SYN2: variants seen among roughly 807,000 people sequenced by gnomAD.
SYN2 encodes synapsin-2.
A neutral mutation model predicts 50.9 loss-of-function variants in SYN2; 19 were observed. That is an observed-to-expected ratio of 0.37 (90% confidence interval 0.26 to 0.55). SYN2 has a LOEUF of 0.55. Among genes scored for constraint, SYN2 ranks in the 20% least tolerant of loss-of-function variants. SYN2 has a pLI of 0.81. For synonymous variants in SYN2, 255 were observed against 224.9 expected, an observed-to-expected ratio of 1.13 and a Z score of -1.20; for missense variants, 587 against 576.4, an observed-to-expected ratio of 1.02 and a Z score of -0.19.
At chr3:12,146,544 G>T (rs1392814159) in intron 4 of SYN2, among the ~76,000 whole-genome samples, 2 of 152,106 alleles carry the variant, frequency 1.3e-5, no homozygotes, top group African/African-American at 4.8e-5. Context: ...TATCATTATT[G>T]TCACTTTTTA....
chr3:12,084,051 T>A (rs1427111248), intron 1 of SYN2, among the ~76,000 whole-genome samples: 1 of 152,182 alleles, frequency 6.6e-6, no homozygotes, highest in Non-Finnish European at 1.5e-5. Flanking sequence ...CTCTGTTAGG[T>A]AGCCATCTAA....
intron 11 of SYN2, chr3:12,185,672 T>C: frequency 1.0e-6 from 1 of 985,882 alleles, no homozygotes; most frequent in Non-Finnish European, 1.2e-6. Flanking sequence ...TTGAAGTACC[T>C]CTCTTTTGTG....
chr3:12,182,589 C>T (rs1698247874), intron 10 of SYN2, among the ~76,000 whole-genome samples: 1 of 152,172 alleles, frequency 6.6e-6, no homozygotes, highest in Non-Finnish European at 1.5e-5. Context: ...GCCTTGAGCG[C>T]TGTTACAAAC....
intron 7 of SYN2, among the ~76,000 whole-genome samples, chr3:12,163,769 G>A (rs772262242): frequency 1.9e-4 from 29 of 152,002 alleles, no homozygotes; most frequent in Admixed American, 2.6e-4. Flanking sequence ...AATAATTTAG[G>A]ATTGCTTTAG....
chr3:12,145,798 T>C lies in SYN2; in HGVS notation c.647T>C (p.Leu216Pro). Residue 216 changes from leucine to proline, a missense_variant, in exon 4 of 13, where the codon CTG becomes CCG. Transcript: ENST00000621198. ...QYAGLPSINS[L>P]ESIYNFCDKP... ...GCAGGCCTCCCCAGCATCAACTCAC[T>C]GGAATCCATATACAACTTCTGTGAC... 6.2e-7 allele frequency: 1 copy of C among 1,613,964 alleles called. No homozygotes were observed. The highest frequency in any genetic ancestry group is 1.1e-5 in the South Asian group (1 of 91,082).
At chr3:12,035,366 G>T (rs1289686705) in intron 1 of SYN2, among the ~76,000 whole-genome samples, 2 of 152,210 alleles carry the variant, frequency 1.3e-5, no homozygotes, top group African/African-American at 4.8e-5. Flanking sequence ...CTGCAGTTCT[G>T]TGGTGTTAGG....
At chr3:12,158,384 C>G (rs1054545345) in intron 5 of SYN2, among the ~76,000 whole-genome samples, 4 of 152,158 alleles carry the variant, frequency 2.6e-5, no homozygotes, top group Admixed American at 6.5e-5. Flanking sequence ...TGTCCCCAGT[C>G]TAGTAGTTCA....
At position 12,004,616 on chromosome 3, in the gene SYN2, A is replaced by G. The variant is rs760791562; in HGVS notation, c.65A>G (p.Tyr22Cys). ...TTCATCGCCAACCTGCCCAACGGCT[A>G]CATGACCGACCTGCAGCGGCCCGAG... ...SSFIANLPNG[Y>C]MTDLQRPEPQ... Residue 22 changes from tyrosine (Y) to cysteine (C), a missense_variant, in exon 1 of 13, where the codon TAC becomes TGC. Transcript: ENST00000621198. The G allele has an allele frequency of 6.4e-6, 4 of 626,454 alleles. No homozygotes were observed. The Admixed American group carries it at 8.9e-5, about 14-fold the overall frequency. The allele number at this position is 626,454 out of a possible 1,614,324, so 38.8% of individuals were successfully genotyped here.
At chr3:12,183,036 A>G (rs1049227759) in intron 10 of SYN2, among the ~76,000 whole-genome samples, 2 of 152,252 alleles carry the variant, frequency 1.3e-5, no homozygotes, top group Non-Finnish European at 2.9e-5. Flanking sequence ...GAATGAGTCT[A>G]AATGGAGGAA....
chr3:12,012,764 C>T (rs894246360), intron 1 of SYN2, among the ~76,000 whole-genome samples: 17 of 152,222 alleles, frequency 1.1e-4, no homozygotes, highest in Admixed American at 1.0e-3. Flanking sequence ...TTGTCTTCTG[C>T]ATGACCTTGC....
At chr3:12,015,395 A>C (rs1694006178) in intron 1 of SYN2, among the ~76,000 whole-genome samples, 1 of 152,206 alleles carries the variant, frequency 6.6e-6, no homozygotes, top group East Asian at 1.9e-4. Flanking sequence ...CAGTATCTCC[A>C]GGACAAAGAA....
At chr3:12,009,068 C>T (rs770018857) in intron 1 of SYN2, among the ~76,000 whole-genome samples, 8 of 152,202 alleles carry the variant, frequency 5.3e-5, no homozygotes, top group Non-Finnish European at 7.3e-5. Context: ...AAAGAACACT[C>T]AAATAAGGTT....
chr3:12,187,685 T>C, intron 12 of SYN2, 73 bp downstream of exon 12: 1 of 1,457,222 alleles, frequency 6.9e-7, no homozygotes, highest in Non-Finnish European at 9.1e-7. Flanking sequence ...CCAGAGCTGC[T>C]AGAAATCACC....
At chr3:12,090,544 G>T (rs1038750924) in intron 1 of SYN2, among the ~76,000 whole-genome samples, 6 of 152,104 alleles carry the variant, frequency 3.9e-5, no homozygotes, top group African/African-American at 1.4e-4. Context: ...TGTGCTTCAG[G>T]GTCTTCAGCT....
rs555985069 is a variant in SYN2, at chr3:12,077,662, A to G, written c.378-62989A>G. On this transcript the variant is annotated intron_variant, in intron 1 of 12. Transcript: ENST00000621198. ...AAAGGACATGATTTTATTCCTTTCT[A>G]TGCTTGCATAGTATTCCATGGTGTA... Among the ~76,000 whole-genome samples the G allele has an allele frequency of 9.9e-5, 15 of 152,208 alleles. No individual in the cohort carries two copies. In the South Asian group the frequency reaches 1.0e-3, roughly 11 times the overall value.
chr3:12,168,424 C>T lies in SYN2; in HGVS notation c.1104C>T (p.Asp368=), dbSNP rs1697855872. The part of the protein sequence containing the change: ...DTCSEMFGGL[D]ICAVKAVHGK... ...GCTCTGAGATGTTTGGCGGCCTGGA[C>T]ATCTGTGCTGTCAAAGCTGTACATG... The change falls in exon 9 of 13, where the codon GAC becomes GAT. Residue 368 remains aspartate, a synonymous_variant. Coordinates refer to ENST00000621198, the MANE Select transcript of SYN2 (RefSeq NM_133625.6). 1 of 1,613,984 alleles carries T rather than the reference C, an allele frequency of 6.2e-7. No individual in the cohort carries two copies.
chr3:12,131,186 A>G (rs138867618), intron 1 of SYN2, among the ~76,000 whole-genome samples: 232 of 152,342 alleles, frequency 1.5e-3, no homozygotes, highest in East Asian at 8.3e-3. Context: ...ATCCTGAGGA[A>G]GAGGTGCCTT....
intron 1 of SYN2, among the ~76,000 whole-genome samples, chr3:12,008,311 T>C (rs1039997387): frequency 3.3e-5 from 5 of 152,208 alleles, no homozygotes; most frequent in Admixed American, 2.0e-4. Flanking sequence ...GCAACAGATA[T>C]TTATGAAGCA....
intron 1 of SYN2, among the ~76,000 whole-genome samples, chr3:12,025,156 A>C (rs1057431151): frequency 6.6e-6 from 1 of 151,774 alleles, no homozygotes; most frequent in African/African-American, 2.4e-5. Flanking sequence ...TAAGGACACC[A>C]TTCCCATCAT....
Sources: gnomAD v4.1 joint callset for allele counts (sites outside exome capture counted in the v4.1 genomes callset) on GRCh38, gnomAD v4.1.1 for gene constraint, MANE v1.5 for transcripts, NCBI Gene and HGNC (gene_info 2026-07-23, HGNC 2026-07-21) for gene names.